ZNF592: variants seen among roughly 807,000 people sequenced by gnomAD.
ZNF592 encodes the protein zinc finger protein 592.
A neutral mutation model predicts 80.3 loss-of-function variants in ZNF592; 11 were observed. The observed-to-expected ratio is 0.14, with a 90% CI of 0.09 to 0.23. The LOEUF (loss-of-function observed/expected upper bound fraction) is 0.23, where lower values mean the gene tolerates loss of function less well. Ranked by LOEUF, ZNF592 falls within the 10% of genes least tolerant of loss-of-function variation. The pLI is 1.00. For synonymous variants in ZNF592, 646 were observed against 640.3 expected, an observed-to-expected ratio of 1.01 and a Z score of -0.13; for missense variants, 1,420 against 1,633.9, an observed-to-expected ratio of 0.87 and a Z score of 2.26.
chr15:84,789,785 C>G (rs1962690251), intron 4 of ZNF592, among the ~76,000 whole-genome samples: 1 of 152,216 alleles, frequency 6.6e-6, no homozygotes, highest in African/African-American at 2.4e-5. Flanking sequence ...TTCTATATCC[C>G]TCTAGTCAGC....
chr15:84,783,596 C>T lies in ZNF592; in HGVS notation c.921C>T (p.His307=). 6.2e-7 allele frequency: 1 copy of T among 1,614,220 alleles called. No homozygotes were observed. The highest frequency in any genetic ancestry group is 8.5e-7 in the Non-Finnish European group (1 of 1,180,054). The change falls in exon 4 of 11, where the codon CAC becomes CAT. Residue 307 remains histidine (H), a synonymous_variant. Transcript: ENST00000560079. This position sits in a 1 kb window ranked among gnomAD's most constrained non-coding sequence, Gnocchi z 5.0. ...TCACTAAGGAGGATCAGCCTGGCCA[C>T]ACAAAGGATCTCTCAGGGCCCACTA... ...ASVTKEDQPG[H]TKDLSGPTKE...
In ZNF592 at chr15:84,783,112, G is replaced by T; in HGVS notation, c.437G>T (p.Ser146Ile). Residue 146 changes from serine to isoleucine, a missense_variant, in exon 4 of 11, where the codon AGC becomes ATC. Ser to Ile is a moderately radical substitution (Grantham distance 142). Around this residue, in one of 7 missense-constraint regions of ZNF592, gnomAD observed 373 missense variants for 355.5 expected, o/e 1.05. Transcript: ENST00000560079. This position sits in a 1 kb window ranked among gnomAD's most constrained non-coding sequence, Gnocchi z 5.0. Reference protein sequence around the residue: ...PTFNQFSPISSPEPEDPIKDN... With the variant: ...PTFNQFSPISIPEPEDPIKDN... Reference sequence around the variant, plus strand: ...TTCAACCAGTTCAGTCCAATCTCCAGCCCAGAACCTGAGGATCCCATCAAA... The same window carrying T: ...TTCAACCAGTTCAGTCCAATCTCCATCCCAGAACCTGAGGATCCCATCAAA... 1 of 1,614,036 alleles carries T rather than the reference G, an allele frequency of 6.2e-7. No homozygotes were observed. Among genetic ancestry groups the T allele is most frequent in the Non-Finnish European group, 8.5e-7 (1 of 1,180,018 alleles).
intron 1 of ZNF592, among the ~76,000 whole-genome samples, chr15:84,755,006 C>T (rs1409382571): frequency 1.4e-5 from 2 of 138,812 alleles, no homozygotes; most frequent in Admixed American, 7.4e-5. Context: ...CACTCTGTTG[C>T]CCAGGCTGGA....
chr15:84,790,786 T>TACTGCTGCCCGGAGTGTGGGGTCC lies in ZNF592; in HGVS notation c.2303_2326dup (p.Val775_Leu776insHisCysCysProGluCysGlyVal). 6.2e-7 allele frequency: 1 copy of TACTGCTGCCCGGAGTGTGGGGTCC among 1,614,212 alleles called. No individual in the cohort carries two copies. Among genetic ancestry groups the TACTGCTGCCCGGAGTGTGGGGTCC allele is most frequent in the Non-Finnish European group, 8.5e-7 (1 of 1,180,042 alleles). ...GCGGATTCATGCACACAAGTCCCCC[T>TACTGCTGCCCGGAGTGTGGGGTCC]ACTGCTGCCCGGAGTGTGGGGTCCT... On this transcript the variant is annotated inframe_insertion, in exon 5 of 11. Coordinates refer to ENST00000560079, the MANE Select transcript of ZNF592 (RefSeq NM_014630.3).
At chr15:84,764,951 T>A in intron 2 of ZNF592, 136 bp downstream of exon 2, 1 of 392,728 alleles carries the variant, frequency 2.5e-6, no homozygotes, top group East Asian at 3.6e-5. Context: ...AAAGTTACCA[T>A]TTTTAAGTGT....
intron 1 of ZNF592, among the ~76,000 whole-genome samples, chr15:84,759,267 A>AG (rs889571778): frequency 3.9e-5 from 6 of 152,168 alleles, no homozygotes; most frequent in African/African-American, 1.4e-4. Flanking sequence ...AAGTGTCTTA[A>AG]GGGGGCTTTT....
chr15:84,761,665 C>T (rs933493112), intron 1 of ZNF592, among the ~76,000 whole-genome samples: 3 of 152,154 alleles, frequency 2.0e-5, no homozygotes, highest in African/African-American at 7.2e-5. Context: ...CCAGATGGCA[C>T]CTTCACCTCA....
At chr15:84,759,845 G>C (rs1899289126) in intron 1 of ZNF592, among the ~76,000 whole-genome samples, 1 of 151,990 alleles carries the variant, frequency 6.6e-6, no homozygotes, top group Non-Finnish European at 1.5e-5. Context: ...GCCCACCTTG[G>C]TGGTCCTGCT....
rs373910762 is a variant in ZNF592 at position 84,799,176 on chromosome 15, A to G, written c.3103A>G (p.Asn1035Asp). ...CAGCCTGCGCAAACACATCCGCAACAACCATGACACAGTAAAGAAGTTCTA... is the reference window on the plus strand; with the variant it reads ...CAGCCTGCGCAAACACATCCGCAACGACCATGACACAGTAAAGAAGTTCTA... ...PNSLRKHIRN[N>D]HDTVKKFYTC... is the part of the protein sequence containing the mutation. Residue 1035 changes from asparagine (N) to aspartate (D), a missense_variant, in exon 9 of 11, where the codon AAC (asparagine) becomes GAC (aspartate). This residue lies in a region of ZNF592 where 331 missense variants were observed against 347.0 expected (regional missense o/e 0.95). Transcript: ENST00000560079. The surrounding 1 kb of genome is among the most constrained non-coding windows in gnomAD (Gnocchi z 4.2). 7.4e-6 allele frequency: 12 copies of G among 1,614,174 alleles called. No individual in the cohort carries two copies. The highest frequency in any genetic ancestry group is 3.3e-5 in the Admixed American group (2 of 60,020).
intron 5 of ZNF592, among the ~76,000 whole-genome samples, chr15:84,792,228 G>T (rs1962769514): frequency 6.6e-6 from 1 of 151,958 alleles, no homozygotes; most frequent in African/African-American, 2.4e-5. Flanking sequence ...GCTTTTATAT[G>T]GAATGAGGGA....
chr15:84,786,049 A>T (rs556654224), intron 4 of ZNF592, among the ~76,000 whole-genome samples: 1 of 152,232 alleles, frequency 6.6e-6, no homozygotes, highest in East Asian at 1.9e-4. Context: ...GAGGAAAGTA[A>T]AACAGCTCTT....
At chr15:84,778,100 C>T (rs1235734917) in intron 2 of ZNF592, 83 bp from the exon 3 acceptor site, 1 of 152,972 alleles carries the variant, frequency 6.5e-6, no homozygotes, top group Admixed American at 6.5e-5. Flanking sequence ...GCCTGCTCAT[C>T]ACCCTCACTC....
Position 84,803,385 on chromosome 15 carries a change from C to T in ZNF592, c.*992C>T, listed in dbSNP as rs1963155458. On this transcript the variant is annotated 3_prime_UTR_variant, in exon 11 of 11. Transcript: ENST00000560079. ...CTTTCCCAGACTTCCCCTGTTTGTC[C>T]CATCTCTGAGGGAGAACAATACTTC... The T allele has an allele frequency of 6.6e-6, 1 of 152,666 alleles. No homozygotes were observed. The allele number at this position is 152,666 out of a possible 1,614,324, so 9.5% of individuals were successfully genotyped here. A position where few individuals can be genotyped will look rare whatever the true frequency, so the allele number is the denominator to read the frequency against.
At chr15:84,762,940 G>C (rs1024070477) in intron 1 of ZNF592, among the ~76,000 whole-genome samples, 1 of 152,174 alleles carries the variant, frequency 6.6e-6, no homozygotes, top group African/African-American at 2.4e-5. Flanking sequence ...CAGTGTTCTA[G>C]AGCAATGTTG....
At chr15:84,789,266 C>CT (rs1479799842) in intron 4 of ZNF592, among the ~76,000 whole-genome samples, 5 of 149,044 alleles carry the variant, frequency 3.4e-5, no homozygotes, top group African/African-American at 1.2e-4. Flanking sequence ...AAAGTCCCTT[C>CT]TTTTTTTAAG....
rs931745454 is a variant in ZNF592, at chr15:84,804,341, A to G, written c.*1948A>G. On this transcript the variant is annotated 3_prime_UTR_variant, in exon 11 of 11. Transcript: ENST00000560079. ...AGAGGAGGCTGATAGAAGGGTTTGAAATGACTGGCTGGATCCCTTCCTGCT... is the reference window on the plus strand; with the variant it reads ...AGAGGAGGCTGATAGAAGGGTTTGAGATGACTGGCTGGATCCCTTCCTGCT... The G allele has an allele frequency of 1.3e-5, 2 of 152,230 alleles. No individual in the cohort carries two copies. The highest frequency in any genetic ancestry group is 4.8e-5 in the African/African-American group (2 of 41,456). 9.4% of individuals were successfully genotyped at this position (152,230 alleles called of 1,614,324 possible). A position where few individuals can be genotyped will look rare whatever the true frequency, so the allele number is the denominator to read the frequency against.
Position 84,799,297 on chromosome 15 carries a change from TC to T in ZNF592, c.3137+88del, listed in dbSNP as rs1171191924. 7.6e-7 allele frequency: 1 copy of T among 1,322,264 alleles called. No homozygotes were observed. Among genetic ancestry groups the T allele is most frequent in the Non-Finnish European group, 1.1e-6 (1 of 915,820 alleles). 81.9% of individuals were successfully genotyped at this position (1,322,264 alleles called of 1,614,324 possible). ...ACTGGGGCTTTTCTGTGCTGCAAGA[TC>T]AGGTGTCTAAGACAAGAGACAAGTG... On this transcript the variant is annotated intron_variant, in intron 9 of 10. Coordinates refer to ENST00000560079, the MANE Select transcript of ZNF592 (RefSeq NM_014630.3). This position sits in a 1 kb window ranked among gnomAD's most constrained non-coding sequence, Gnocchi z 4.2.
intron 1 of ZNF592, among the ~76,000 whole-genome samples, chr15:84,750,231 A>G (rs1179517366): frequency 1.3e-5 from 2 of 152,200 alleles, no homozygotes; most frequent in Non-Finnish European, 2.9e-5. Flanking sequence ...TGAACCCGGG[A>G]GGCGGAGGTT....
At position 84,799,049 on chromosome 15, in the gene ZNF592, A is replaced by C. The variant is rs1000316277; in HGVS notation, c.3025-49A>C. On this transcript the variant is annotated intron_variant, in intron 8 of 10. Coordinates refer to ENST00000560079, the MANE Select transcript of ZNF592 (RefSeq NM_014630.3). The surrounding 1 kb of genome is among the most constrained non-coding windows in gnomAD (Gnocchi z 4.2). The stretch of plus-strand genomic sequence containing the variant: ...CATCTGAGAAGAAAAATGCACCCAG[A>C]ACTATCTTACAGTTCTGATGCTTTG... 1 of 1,609,966 alleles carries C rather than the reference A, an allele frequency of 6.2e-7. No individual in the cohort carries two copies. The highest frequency in any genetic ancestry group is 1.7e-5 in the Admixed American group (1 of 60,024).
Sources: allele counts gnomAD v4.1 joint callset (sites outside exome capture counted in the v4.1 genomes callset), GRCh38; gene constraint gnomAD v4.1.1; regional missense constraint gnomAD v4.1.1; non-coding constraint Gnocchi (gnomAD v3.1); transcripts MANE v1.5; gene names NCBI Gene and HGNC (gene_info 2026-07-23, HGNC 2026-07-21).